Variants in DRC8 observed in about 807,000 individuals in gnomAD.
The protein encoded by DRC8 is dynein regulatory complex protein 8.
At chr1:244,978,042 C>A in the DRC8 span, among the ~76,000 whole-genome samples, 1 of 152,158 alleles carries the variant, frequency 6.6e-6, no homozygotes, top group Non-Finnish European at 1.5e-5. Context: ...ACTTTAAAAA[C>A]CCACTTAAAT....
At chr1:245,089,022 A>G in the DRC8 span, among the ~76,000 whole-genome samples, 447 of 152,322 alleles carry the variant, frequency 2.9e-3, 1 homozygote, top group Non-Finnish European at 5.0e-3. This position sits in a 1 kb window ranked among gnomAD's most constrained non-coding sequence, Gnocchi z 4.8. Flanking sequence ...ACAGAGAAAG[A>G]TCATTTGTAA....
chr1:245,049,008 C>T, the DRC8 span, among the ~76,000 whole-genome samples: 2 of 143,704 alleles, frequency 1.4e-5, no homozygotes. This position sits in a 1 kb window ranked among gnomAD's most constrained non-coding sequence, Gnocchi z 4.5. Context: ...TTTTTTGAGA[C>T]AGAGTCCCAC....
chr1:245,101,739 A>G, the DRC8 span, among the ~76,000 whole-genome samples: 1 of 152,202 alleles, frequency 6.6e-6, no homozygotes, highest in Non-Finnish European at 1.5e-5. Context: ...ATAATTTAAT[A>G]TATTTATATC....
the DRC8 span, among the ~76,000 whole-genome samples, chr1:245,008,749 A>G: frequency 6.6e-6 from 1 of 151,212 alleles, no homozygotes; most frequent in African/African-American, 2.4e-5. Flanking sequence ...GCTCACTGCA[A>G]CCTTGAACTC....
At chr1:245,051,905 G>T in the DRC8 span, among the ~76,000 whole-genome samples, 4 of 96,868 alleles carry the variant, frequency 4.1e-5, no homozygotes, top group East Asian at 8.3e-4. Flanking sequence ...CGAGCACGAG[G>T]CAAGAGCTAT....
the DRC8 span, among the ~76,000 whole-genome samples, chr1:245,041,246 C>T: frequency 6.6e-6 from 1 of 151,682 alleles, no homozygotes; most frequent in African/African-American, 2.4e-5. Flanking sequence ...TGTGAGGTCG[C>T]TAGAGAGTGG....
chr1:245,065,073 CTTTTTTT>C, the DRC8 span, among the ~76,000 whole-genome samples: 30 of 81,566 alleles, frequency 3.7e-4, no homozygotes, highest in South Asian at 9.8e-4. Flanking sequence ...TAACATTCTT[CTTTTTTT>C]TTTTTTTTTT....
At chr1:245,118,227 G>A in the DRC8 span, among the ~76,000 whole-genome samples, 14 of 152,120 alleles carry the variant, frequency 9.2e-5, no homozygotes, top group Non-Finnish European at 1.9e-4. Flanking sequence ...TGGCCCTAGG[G>A]TGCATTTTGA....
the DRC8 span, among the ~76,000 whole-genome samples, chr1:244,999,018 A>G: frequency 6.8e-6 from 1 of 147,616 alleles, no homozygotes; most frequent in East Asian, 2.1e-4. Context: ...TATACATAAT[A>G]GGATTCCCTC....
the DRC8 span, among the ~76,000 whole-genome samples, chr1:245,053,669 C>T: frequency 6.6e-6 from 1 of 152,146 alleles, no homozygotes; most frequent in Non-Finnish European, 1.5e-5. Flanking sequence ...TATCATCAGG[C>T]CTTTGTGATT....
the DRC8 span, among the ~76,000 whole-genome samples, chr1:245,114,075 C>A: frequency 6.6e-6 from 1 of 152,216 alleles, no homozygotes; most frequent in Non-Finnish European, 1.5e-5. Context: ...CATCCAAAAG[C>A]AGGATGTTGT....
At chr1:245,102,473 C>A in the DRC8 span, among the ~76,000 whole-genome samples, 14 of 152,272 alleles carry the variant, frequency 9.2e-5, no homozygotes, top group African/African-American at 3.1e-4. Context: ...CCTCAGCCTC[C>A]CAAGTAGTTG....
At chr1:245,121,267 C>T in the DRC8 span, among the ~76,000 whole-genome samples, 1 of 152,150 alleles carries the variant, frequency 6.6e-6, no homozygotes, top group African/African-American at 2.4e-5. Flanking sequence ...TAGATGTGAT[C>T]GTTGCTGTTC....
At chr1:245,122,189 C>T in the DRC8 span, 4 of 224,698 alleles carry the variant, frequency 1.8e-5, no homozygotes, top group African/African-American at 9.5e-5. Context: ...AGGCATGAGC[C>T]ACCGCACCCG....
At chr1:245,015,476 T>G in the DRC8 span, among the ~76,000 whole-genome samples, 1 of 152,002 alleles carries the variant, frequency 6.6e-6, no homozygotes, top group Admixed American at 6.6e-5. Flanking sequence ...TTTGGGAGGC[T>G]GAGGCGGGTG....
At chr1:244,972,941 G>A in the DRC8 span, among the ~76,000 whole-genome samples, 88,676 of 152,060 alleles carry the variant, frequency 0.58, 26,589 homozygotes, top group East Asian at 0.75. Flanking sequence ...TGAAATAAAG[G>A]CATTTTGTTA....
the DRC8 span, among the ~76,000 whole-genome samples, chr1:245,059,028 A>G: frequency 6.6e-6 from 1 of 152,208 alleles, no homozygotes; most frequent in Non-Finnish European, 1.5e-5. Context: ...CAACTTCACC[A>G]CAAAACTCTG....
At chr1:244,971,699 A>G in the DRC8 span, among the ~76,000 whole-genome samples, 2 of 152,220 alleles carry the variant, frequency 1.3e-5, no homozygotes, top group African/African-American at 4.8e-5. Context: ...TTAACAGCTA[A>G]TATTTACAAG....
At chr1:245,079,890 G>A in the DRC8 span, among the ~76,000 whole-genome samples, 1 of 152,150 alleles carries the variant, frequency 6.6e-6, no homozygotes, top group African/African-American at 2.4e-5. Context: ...GCTCAAGTGC[G>A]TCAGAGCCAT....
Sources: allele counts gnomAD v4.1 joint callset (sites outside exome capture counted in the v4.1 genomes callset), GRCh38; gene constraint gnomAD v4.1.1; non-coding constraint Gnocchi (gnomAD v3.1); transcripts MANE v1.5; gene names NCBI Gene and HGNC (gene_info 2026-07-23, HGNC 2026-07-21).